SCMH1: variants seen among roughly 807,000 people sequenced by gnomAD.
SCMH1 encodes Scm polycomb group protein homolog 1.
In SCMH1, 37 loss-of-function variants were observed where a neutral mutation model predicts 70.8. The observed-to-expected ratio is 0.52, with a 90% CI of 0.40 to 0.69. The LOEUF (loss-of-function observed/expected upper bound fraction) is 0.69. Ranked by LOEUF, SCMH1 falls within the 30% of genes least tolerant of loss-of-function variation. The pLI is 0.00. For missense variants in SCMH1, 607 were observed against 827.3 expected, an observed-to-expected ratio of 0.73 and a Z score of 3.27; for synonymous variants, 292 against 307.4, an observed-to-expected ratio of 0.95 and a Z score of 0.52.
At chr1:41,181,707 T>C (rs1030135785) in intron 2 of SCMH1, among the ~76,000 whole-genome samples, 2 of 152,238 alleles carry the variant, frequency 1.3e-5, no homozygotes, top group African/African-American at 2.4e-5. Context: ...CAACAGGTGC[T>C]GGAGCGGATG....
intron 1 of SCMH1, among the ~76,000 whole-genome samples, chr1:41,211,110 A>G (rs1656911532): frequency 6.6e-6 from 1 of 152,114 alleles, no homozygotes; most frequent in African/African-American, 2.4e-5. Flanking sequence ...GCCTGGCCAA[A>G]GACTTCATGA....
At chr1:41,156,908 C>T (rs1645599420) in intron 4 of SCMH1, among the ~76,000 whole-genome samples, 1 of 150,870 alleles carries the variant, frequency 6.6e-6, no homozygotes, top group African/African-American at 2.4e-5. Flanking sequence ...TTGTCATCTT[C>T]CTGCCTCGGA....
intron 10 of SCMH1, among the ~76,000 whole-genome samples, chr1:41,052,071 A>G (rs1033223697): frequency 6.6e-6 from 1 of 152,258 alleles, no homozygotes; most frequent in East Asian, 1.9e-4. Context: ...TTAGATACAC[A>G]AATACTTAAC....
intron 6 of SCMH1, among the ~76,000 whole-genome samples, chr1:41,119,442 A>AC (rs941412397): frequency 1.1e-4 from 9 of 80,450 alleles, no homozygotes; most frequent in East Asian, 3.2e-4. Context: ...TTAGGGCAAA[A>AC]AAAAAACAAA....
chr1:41,200,510 T>C (rs1399026274), intron 1 of SCMH1, among the ~76,000 whole-genome samples: 1 of 144,948 alleles, frequency 6.9e-6, no homozygotes, highest in Non-Finnish European at 1.5e-5. Flanking sequence ...ATAATAATAA[T>C]AATAATATAA....
Position 41,175,291 on chromosome 1 carries a change from C to T in SCMH1, c.13+10830G>A, listed in dbSNP as rs189217582. 8.5e-4 allele frequency among the ~76,000 whole-genome samples: 130 copies of T among 152,290 alleles called. 1 individual carries two copies. Among genetic ancestry groups the T allele is most frequent in the African/African-American group, 2.7e-3 (113 of 41,550 alleles). On this transcript the variant is annotated intron_variant, in intron 2 of 14. Coordinates refer to ENST00000337495, the Ensembl canonical transcript of SCMH1. ...GAGCTAGGACATCCATCTTCTCCTG[C>T]CCTTGGACACTGGAGCTCCTAGTTC...
intron 2 of SCMH1, among the ~76,000 whole-genome samples, chr1:41,177,111 C>T (rs1647211682): frequency 6.6e-6 from 1 of 152,194 alleles, no homozygotes; most frequent in South Asian, 2.1e-4. Context: ...GCCTCCGCTG[C>T]TGATACCCAG....
intron 10 of SCMH1, among the ~76,000 whole-genome samples, chr1:41,058,575 T>A (rs944452494): frequency 6.6e-6 from 1 of 151,754 alleles, no homozygotes; most frequent in Non-Finnish European, 1.5e-5. Flanking sequence ...AGAGACGGGG[T>A]TTCACCGTGT....
At chr1:41,218,107 A>G (rs1243536399) in intron 1 of SCMH1, among the ~76,000 whole-genome samples, 1 of 152,136 alleles carries the variant, frequency 6.6e-6, no homozygotes, top group Non-Finnish European at 1.5e-5. Flanking sequence ...GAACTTTTTG[A>G]GTTGATTATA....
intron 2 of SCMH1, among the ~76,000 whole-genome samples, chr1:41,162,408 C>A (rs961540748): frequency 1.3e-5 from 2 of 152,174 alleles, no homozygotes; most frequent in Non-Finnish European, 2.9e-5. Context: ...GGGGGCTGAA[C>A]TGCCAGTCCT....
intron 8 of SCMH1, among the ~76,000 whole-genome samples, chr1:41,084,640 G>T (rs1661051753): frequency 6.6e-6 from 1 of 152,038 alleles, no homozygotes; most frequent in Admixed American, 6.6e-5. Flanking sequence ...TATACCCAAA[G>T]GACTATAAAT....
At chr1:41,220,103 G>C (rs907910866) in intron 1 of SCMH1, among the ~76,000 whole-genome samples, 1 of 152,184 alleles carries the variant, frequency 6.6e-6, no homozygotes, top group Non-Finnish European at 1.5e-5. Flanking sequence ...TTGAGCTGAT[G>C]AATGGTGACA....
At chr1:41,073,165 A>T (rs1479841868) in intron 9 of SCMH1, among the ~76,000 whole-genome samples, 1 of 152,126 alleles carries the variant, frequency 6.6e-6, no homozygotes, top group Non-Finnish European at 1.5e-5. Context: ...AATACTTCTA[A>T]TTCCCTCTCC....
chr1:41,172,323 AAGT>A (rs1459426898), intron 2 of SCMH1, among the ~76,000 whole-genome samples: 1 of 152,110 alleles, frequency 6.6e-6, no homozygotes, highest in East Asian at 1.9e-4. Flanking sequence ...GAAATCAAGA[AAGT>A]AATCTCATTT....
chr1:41,101,653 T>C (rs1466885580), intron 8 of SCMH1, among the ~76,000 whole-genome samples: 1 of 152,214 alleles, frequency 6.6e-6, no homozygotes, highest in Non-Finnish European at 1.5e-5. Flanking sequence ...CATTTCATTT[T>C]GGAGAAAATG....
intron 1 of SCMH1, among the ~76,000 whole-genome samples, chr1:41,188,463 T>C (rs1483788848): frequency 6.6e-6 from 1 of 152,236 alleles, no homozygotes; most frequent in Non-Finnish European, 1.5e-5. Context: ...ATGTGGCTAT[T>C]TAGGACTTGA....
At chr1:41,152,486 G>A (rs1645153544) in intron 4 of SCMH1, 2 of 1,162,980 alleles carry the variant, frequency 1.7e-6, no homozygotes, top group Non-Finnish European at 2.5e-6. Context: ...GCTGGGGGAA[G>A]GGAAAACATC....
intron 10 of SCMH1, among the ~76,000 whole-genome samples, chr1:41,065,892 C>T (rs896467069): frequency 1.3e-5 from 2 of 152,114 alleles, no homozygotes; most frequent in Non-Finnish European, 1.5e-5. Context: ...ATCTAGATGA[C>T]CTTGGGTTTG....
At chr1:41,119,462 A>C (rs1010629620) in intron 6 of SCMH1, among the ~76,000 whole-genome samples, 1 of 151,662 alleles carries the variant, frequency 6.6e-6, no homozygotes, top group Non-Finnish European at 1.5e-5. Context: ...AAAAAAAAAA[A>C]CCCCACCGTA....
Sources: allele counts gnomAD v4.1 joint callset (sites outside exome capture counted in the v4.1 genomes callset), GRCh38; gene constraint gnomAD v4.1.1; transcripts MANE v1.5; gene names NCBI Gene and HGNC (gene_info 2026-07-23, HGNC 2026-07-21).